Variants in AGBL4 observed in about 807,000 individuals in gnomAD.
AGBL4 encodes AGBL carboxypeptidase 4.
In AGBL4, 58 loss-of-function variants were observed where a neutral mutation model predicts 66.4. The ratio of observed to expected loss-of-function variants is 0.87; its 90% CI spans 0.71 to 1.09. The LOEUF is 1.09. AGBL4 is among the 50% of genes least tolerant of loss of function. AGBL4 has a pLI of 0.00. For synonymous variants in AGBL4, 234 were observed against 222.9 expected (o/e 1.05, Z -0.44); for missense variants, 579 against 631.0 (o/e 0.92, Z 0.88).
chr1:48,546,142 C>T lies in AGBL4; in HGVS notation c.1268-6404G>A, dbSNP rs191699891. 7.2e-5 allele frequency among the ~76,000 whole-genome samples: 11 copies of T among 152,304 alleles called. No individual in the cohort carries two copies. In the East Asian group the frequency reaches 1.4e-3, roughly 19 times the overall value. On this transcript the variant is annotated intron_variant, in intron 11 of 13. Transcript: ENST00000371839. The stretch of plus-strand genomic sequence containing the variant: ...GCAATGCATACAGTGTAGTTACTAT[C>T]ACCAATCCTCACCAAAGCCCTGCAA...
intron 1 of AGBL4, among the ~76,000 whole-genome samples, chr1:49,862,529 A>T (rs1309718404): frequency 6.6e-6 from 1 of 152,178 alleles, no homozygotes; most frequent in Non-Finnish European, 1.5e-5. Context: ...TCAATATACA[A>T]GCACAAAAAG....
rs561453781 is a variant in AGBL4, at chr1:49,608,468, G to T, written c.282+88845C>A. Among the ~76,000 whole-genome samples, 3 of 152,252 alleles carry T rather than the reference G, an allele frequency of 2.0e-5. No homozygotes were observed. In the South Asian group the frequency reaches 6.2e-4, roughly 32 times the overall value. ...TAGGTAAATTTCAACCTCCACTGGA[G>T]AAAGACTGCCTTATTACCAGTCCCA... On this transcript the variant is annotated intron_variant, in intron 3 of 13. Coordinates refer to ENST00000371839, the MANE Select transcript of AGBL4 (RefSeq NM_032785.4).
chr1:49,526,102 CA>C (rs531611267), intron 3 of AGBL4, among the ~76,000 whole-genome samples: 1 of 150,482 alleles, frequency 6.6e-6, no homozygotes, highest in Non-Finnish European at 1.5e-5. Context: ...TCAAAAAAAA[CA>C]AAAAAACAAA....
chr1:49,342,533 A>G (rs1329006521), intron 3 of AGBL4, among the ~76,000 whole-genome samples: 2 of 152,152 alleles, frequency 1.3e-5, no homozygotes, highest in African/African-American at 4.8e-5. Context: ...CCCACCATCC[A>G]GAGGGCAGGA....
intron 6 of AGBL4, among the ~76,000 whole-genome samples, chr1:48,713,264 G>A (rs1280026053): frequency 6.6e-6 from 1 of 152,220 alleles, no homozygotes; most frequent in Admixed American, 6.5e-5. Context: ...TTTCCAGAAA[G>A]ATGGTTCCTG....
At chr1:49,318,992 T>A (rs1645086675) in intron 3 of AGBL4, among the ~76,000 whole-genome samples, 1 of 152,276 alleles carries the variant, frequency 6.6e-6, no homozygotes, top group Non-Finnish European at 1.5e-5. Context: ...CTAGGAAGGC[T>A]ATGACAACAC....
At chr1:49,546,436 C>T (rs1184584573) in intron 3 of AGBL4, among the ~76,000 whole-genome samples, 1 of 151,792 alleles carries the variant, frequency 6.6e-6, no homozygotes, top group Non-Finnish European at 1.5e-5. Context: ...GGGTTGGTTC[C>T]ATGATTTTGC....
At chr1:48,871,383 GTGTT>G (rs1444893133) in intron 5 of AGBL4, among the ~76,000 whole-genome samples, 17 of 148,148 alleles carry the variant, frequency 1.1e-4, no homozygotes, top group African/African-American at 4.1e-4. Flanking sequence ...GTGTGTGTGT[GTGTT>G]TGTGTGTGTA....
chr1:49,703,620 A>G (rs913834513), intron 2 of AGBL4, among the ~76,000 whole-genome samples: 4 of 152,030 alleles, frequency 2.6e-5, no homozygotes, highest in Non-Finnish European at 4.4e-5. Context: ...TAGCACTAAT[A>G]TCATACTTAA....
At chr1:49,238,576 AT>A (rs1557756752) in intron 4 of AGBL4, among the ~76,000 whole-genome samples, 1 of 152,088 alleles carries the variant, frequency 6.6e-6, no homozygotes, top group East Asian at 1.9e-4. Flanking sequence ...CCTGTTTCTT[AT>A]TTTTTTCTGA....
chr1:49,295,621 AGAGCCCAGAC>A (rs1486148210), intron 3 of AGBL4, among the ~76,000 whole-genome samples: 2 of 152,190 alleles, frequency 1.3e-5, no homozygotes, highest in Non-Finnish European at 2.9e-5. Context: ...AGATGGCACT[AGAGCCCAGAC>A]TTCCTAATTT....
At chr1:49,905,046 T>C (rs766854406) in intron 1 of AGBL4, among the ~76,000 whole-genome samples, 4 of 152,216 alleles carry the variant, frequency 2.6e-5, no homozygotes, top group Non-Finnish European at 5.9e-5. Context: ...ATTCCTCTTG[T>C]GATGATTAGA....
chr1:48,570,539 G>C (rs762221455), intron 11 of AGBL4, among the ~76,000 whole-genome samples: 50 of 152,066 alleles, frequency 3.3e-4, no homozygotes, highest in Non-Finnish European at 6.5e-4. Flanking sequence ...TAATATCGTG[G>C]GTTAACGTTT....
At chr1:49,240,489 G>GT (rs1325386736) in intron 4 of AGBL4, among the ~76,000 whole-genome samples, 1 of 150,544 alleles carries the variant, frequency 6.6e-6, no homozygotes, top group Admixed American at 6.6e-5. Context: ...GCAGTTGGCA[G>GT]TATTAGTCCC....
chr1:48,966,461 A>G (rs1242320832), intron 5 of AGBL4, among the ~76,000 whole-genome samples: 1 of 152,148 alleles, frequency 6.6e-6, no homozygotes, highest in Non-Finnish European at 1.5e-5. Flanking sequence ...CAAGCCCCCA[A>G]GTTGGGAGAT....
chr1:49,307,051 G>A (rs1174927668), intron 3 of AGBL4, among the ~76,000 whole-genome samples: 3 of 152,080 alleles, frequency 2.0e-5, no homozygotes, highest in Non-Finnish European at 4.4e-5. Flanking sequence ...TCCACAATTT[G>A]GAGTGTACAA....
At chr1:49,649,443 T>C (rs1645958058) in intron 3 of AGBL4, among the ~76,000 whole-genome samples, 1 of 152,148 alleles carries the variant, frequency 6.6e-6, no homozygotes, top group South Asian at 2.1e-4. Context: ...TGTATGTATC[T>C]AACAAGAGAG....
At chr1:48,590,033 A>C (rs1644887161) in intron 10 of AGBL4, among the ~76,000 whole-genome samples, 1 of 152,192 alleles carries the variant, frequency 6.6e-6, no homozygotes, top group South Asian at 2.1e-4. Flanking sequence ...GGATCACTTG[A>C]GCCCAGGAGT....
intron 6 of AGBL4, among the ~76,000 whole-genome samples, chr1:48,807,379 A>G (rs920249033): frequency 6.6e-6 from 1 of 152,218 alleles, no homozygotes; most frequent in East Asian, 1.9e-4. Flanking sequence ...TTTTCTTATA[A>G]CAGGCTGAGG....
Sources: allele counts gnomAD v4.1 joint callset (sites outside exome capture counted in the v4.1 genomes callset), GRCh38; gene constraint gnomAD v4.1.1; transcripts MANE v1.5; gene names NCBI Gene and HGNC (gene_info 2026-07-23, HGNC 2026-07-21).